SCPEP1: variants seen among roughly 807,000 people sequenced by gnomAD.
SCPEP1 encodes the protein retinoid-inducible serine carboxypeptidase.
A neutral mutation model predicts 63.8 loss-of-function variants in SCPEP1; 51 were observed. The ratio of observed to expected loss-of-function variants is 0.80; its 90% CI spans 0.64 to 1.01. The LOEUF (loss-of-function observed/expected upper bound fraction) is 1.01, where lower values mean the gene tolerates loss of function less well. Ranked by LOEUF, SCPEP1 falls within the 50% of genes least tolerant of loss-of-function variation. The pLI, the probability that SCPEP1 is intolerant of heterozygous loss-of-function variation, is 0.00. For missense variants in SCPEP1, 499 were observed against 554.9 expected, an observed-to-expected ratio of 0.90 and a Z score of 1.01; for synonymous variants, 204 against 207.8, an observed-to-expected ratio of 0.98 and a Z score of 0.16.
chr17:56,991,049 G>T, intron 5 of SCPEP1, 50 bp from the exon 6 acceptor site: 1 of 1,342,468 alleles, frequency 7.4e-7, no homozygotes. Context: ...TGGGATTACT[G>T]CGTGAGCCAC....
chr17:57,004,969 A>G (rs1002648635), intron 12 of SCPEP1, among the ~76,000 whole-genome samples: 4 of 152,288 alleles, frequency 2.6e-5, no homozygotes, highest in African/African-American at 9.6e-5. Context: ...TGAGCAGCAC[A>G]GTAGCATGAC....
chr17:56,981,289 T>A, intron 2 of SCPEP1, 59 bp downstream of exon 2: 1 of 1,594,088 alleles, frequency 6.3e-7, no homozygotes, highest in Non-Finnish European at 8.6e-7. Flanking sequence ...GTGTGGCTCT[T>A]TGCTTGCTTT....
At position 57,006,153 on chromosome 17, in the gene SCPEP1, C is replaced by CAGAT; in HGVS notation, c.1297-19_1297-16dup. The CAGAT allele has an allele frequency of 6.2e-7, 1 of 1,602,142 alleles. No homozygotes were observed. The highest frequency in any genetic ancestry group is 8.5e-7 in the Non-Finnish European group (1 of 1,172,904). On this transcript the variant is annotated intron_variant, in intron 12 of 12. Transcript: ENST00000262288. ...AGGAATAGCACCAGGAGCACTAACT[C>CAGAT]AGATGTTGTTTTTTTCTAGGTTCCT...
intron 5 of SCPEP1, among the ~76,000 whole-genome samples, chr17:56,990,779 G>A (rs762734489): frequency 1.3e-5 from 2 of 151,814 alleles, no homozygotes; most frequent in African/African-American, 4.8e-5. Context: ...GACTACAGAC[G>A]AGCACTACCG....
rs546197592 is a variant in SCPEP1, at chr17:56,995,775, T to C, written c.786+140T>C. On this transcript the variant is annotated intron_variant, in intron 8 of 12. Coordinates refer to ENST00000262288, the MANE Select transcript of SCPEP1 (RefSeq NM_021626.3). ...AAATGATTGCATGCTGGATAATAAA[T>C]CTCTTGGGTCTAAGCAGTGATGTAG... The C allele has an allele frequency of 7.6e-5, 71 of 931,772 alleles. No homozygotes were observed. The South Asian group carries it at 1.7e-3, about 22-fold the overall frequency. 57.7% of individuals were successfully genotyped at this position (931,772 alleles called of 1,614,324 possible). A position where few individuals can be genotyped will look rare whatever the true frequency, so the allele number is the denominator to read the frequency against.
intron 6 of SCPEP1, among the ~76,000 whole-genome samples, chr17:56,993,352 C>T (rs1911453489): frequency 6.6e-6 from 1 of 152,208 alleles, no homozygotes; most frequent in Non-Finnish European, 1.5e-5. Flanking sequence ...TTGAACAATG[C>T]AGGCCTACTT....
chr17:56,982,405 AG>A (rs1456778549), intron 2 of SCPEP1, among the ~76,000 whole-genome samples: 2 of 152,186 alleles, frequency 1.3e-5, no homozygotes, highest in Non-Finnish European at 2.9e-5. Context: ...GTTTTCAGGG[AG>A]GGGCCTTTCT....
At chr17:56,993,282 A>G (rs773996872) in intron 6 of SCPEP1, among the ~76,000 whole-genome samples, 2 of 152,328 alleles carry the variant, frequency 1.3e-5, no homozygotes, top group Non-Finnish European at 2.9e-5. Context: ...ACATGTGGCT[A>G]TTAGCTAGCA....
chr17:57,004,039 A>G (rs1246563101), intron 12 of SCPEP1, among the ~76,000 whole-genome samples: 1 of 152,144 alleles, frequency 6.6e-6, no homozygotes, highest in Non-Finnish European at 1.5e-5. Context: ...TCTTTACTAA[A>G]AATACAAAAA....
At chr17:56,995,352 A>G (rs919103182) in intron 7 of SCPEP1, 155 bp from the exon 8 acceptor site, 7 of 751,402 alleles carry the variant, frequency 9.3e-6, no homozygotes, top group African/African-American at 3.5e-5. Flanking sequence ...GCTGTGTTTC[A>G]TCCAATAAAC....
At chr17:56,988,924 C>T (rs773243895) in intron 5 of SCPEP1, among the ~76,000 whole-genome samples, 24 of 152,078 alleles carry the variant, frequency 1.6e-4, no homozygotes, top group Non-Finnish European at 2.4e-4. Context: ...CAGTGGCCCA[C>T]GCCTATAATC....
chr17:56,978,348 C>T (rs1598110588), intron 1 of SCPEP1, 113 bp downstream of exon 1: 1 of 1,259,612 alleles, frequency 7.9e-7, no homozygotes, highest in Non-Finnish European at 1.0e-6. Flanking sequence ...CGGTTCTTAC[C>T]TTGTGTAATT....
intron 12 of SCPEP1, among the ~76,000 whole-genome samples, chr17:57,004,447 T>C (rs1911827910): frequency 6.6e-6 from 1 of 152,208 alleles, no homozygotes; most frequent in South Asian, 2.1e-4. Flanking sequence ...TTTATGGCTC[T>C]CAGGATCTGA....
At chr17:56,996,813 C>T in intron 8 of SCPEP1, 149 bp from the exon 9 acceptor site, 1 of 512,620 alleles carries the variant, frequency 2.0e-6, no homozygotes, top group Non-Finnish European at 3.5e-6. Context: ...GCCACCAGGC[C>T]CAGCCAAAGC....
intron 3 of SCPEP1, among the ~76,000 whole-genome samples, chr17:56,986,256 G>T (rs999219524): frequency 6.8e-6 from 1 of 147,810 alleles, no homozygotes; most frequent in Non-Finnish European, 1.5e-5. Context: ...ATGTCCCTCC[G>T]TCACCAAGGC....
At chr17:56,991,540 C>G (rs1911398471) in intron 6 of SCPEP1, among the ~76,000 whole-genome samples, 1 of 152,186 alleles carries the variant, frequency 6.6e-6, no homozygotes, top group Non-Finnish European at 1.5e-5. Flanking sequence ...CCTGCCCCCT[C>G]TACTTCCCTG....
At chr17:56,988,916 G>A (rs1031906958) in intron 5 of SCPEP1, among the ~76,000 whole-genome samples, 7 of 152,174 alleles carry the variant, frequency 4.6e-5, no homozygotes, top group Non-Finnish European at 1.0e-4. Context: ...ACAGAATGCA[G>A]TGGCCCACGC....
chr17:56,982,904 C>T (rs1911110329), intron 2 of SCPEP1: 1 of 151,960 alleles, frequency 6.6e-6, no homozygotes, highest in South Asian at 2.1e-4. Context: ...AAAGATTATG[C>T]TTACAGAAGA....
chr17:57,002,140 A>C lies in SCPEP1; in HGVS notation c.1255A>C (p.Lys419Gln), dbSNP rs1325343942. 1 of 1,614,086 alleles carries C rather than the reference A, an allele frequency of 6.2e-7. No homozygotes were observed. Among genetic ancestry groups the C allele is most frequent in the African/African-American group, 1.3e-5 (1 of 74,944 alleles). ...AACATCTGCTTTTGTCAAGTCCTAC[A>C]AGAACCTTGCTTTCTACTGGATTCT... ...LETSAFVKSY[K>Q]NLAFYWILKA... Residue 419 changes from lysine to glutamine, a missense_variant, in exon 12 of 13, where the codon AAG (lysine) becomes CAG (glutamine). Coordinates refer to ENST00000262288, the MANE Select transcript of SCPEP1 (RefSeq NM_021626.3).
Sources: gnomAD v4.1 joint callset for allele counts (sites outside exome capture counted in the v4.1 genomes callset) on GRCh38, gnomAD v4.1.1 for gene constraint, MANE v1.5 for transcripts, NCBI Gene and HGNC (gene_info 2026-07-23, HGNC 2026-07-21) for gene names.